The following IGFL2 variants were observed in gnomAD, a reference collection of about 807,000 sequenced individuals.
IGFL2 encodes IGF like family member 2.
In IGFL2, 7 loss-of-function variants were observed where a neutral mutation model predicts 13.9. That is an observed-to-expected ratio of 0.51 (90% CI 0.29 to 0.95). IGFL2 has a LOEUF of 0.95. IGFL2 is among the 40% of genes least tolerant of loss of function. IGFL2 has a pLI of 0.08. For synonymous variants in IGFL2, 55 were observed against 55.8 expected (o/e 0.99, Z 0.07); for missense variants, 138 against 147.8 (o/e 0.93, Z 0.34).
the IGFL2 span, among the ~76,000 whole-genome samples, chr19:46,169,334 A>G: frequency 6.6e-6 from 1 of 152,266 alleles, no homozygotes; most frequent in Non-Finnish European, 1.5e-5. Flanking sequence ...CAGTAGAAAT[A>G]TCAAGATTGT....
At chr19:46,214,624 C>T in the IGFL2 span, 4 of 151,938 alleles carry the variant, frequency 2.6e-5, no homozygotes, top group Non-Finnish European at 5.9e-5. Context: ...AGCTGAAGCC[C>T]AGGGCCTTCA....
At chr19:46,186,047 A>C in the IGFL2 span, among the ~76,000 whole-genome samples, 2 of 152,208 alleles carry the variant, frequency 1.3e-5, no homozygotes, top group Non-Finnish European at 1.5e-5. Context: ...ATCGTTCTCC[A>C]GGTCTCGGGA....
chr19:46,128,877 G>A, the IGFL2 span, among the ~76,000 whole-genome samples: 3 of 152,262 alleles, frequency 2.0e-5, no homozygotes, highest in Admixed American at 1.3e-4. Context: ...TTAGGGAGGA[G>A]TCCCTCCTTC....
the IGFL2 span, among the ~76,000 whole-genome samples, chr19:46,088,060 T>C: frequency 1.3e-5 from 2 of 152,172 alleles, no homozygotes; most frequent in Non-Finnish European, 2.9e-5. Context: ...GTGGTAGAAA[T>C]GTGGACCACT....
chr19:46,177,150 T>C, the IGFL2 span, among the ~76,000 whole-genome samples: 1 of 151,972 alleles, frequency 6.6e-6, no homozygotes, highest in African/African-American at 2.4e-5. Flanking sequence ...TAGTTACAGC[T>C]ACTCGGGAGG....
chr19:46,094,512 T>TTG, the IGFL2 span, among the ~76,000 whole-genome samples: 5 of 152,068 alleles, frequency 3.3e-5, no homozygotes, highest in African/African-American at 9.7e-5. Context: ...TCTTTTTTTT[T>TTG]TGTGTGTTTT....
chr19:46,194,924 A>G, the IGFL2 span: 3 of 133,374 alleles, frequency 2.2e-5, no homozygotes, highest in East Asian at 6.4e-4. Flanking sequence ...TATTTTGGCC[A>G]AGCTGGTTTC....
chr19:46,102,698 G>T, the IGFL2 span, among the ~76,000 whole-genome samples: 2 of 152,178 alleles, frequency 1.3e-5, no homozygotes, highest in African/African-American at 4.8e-5. Flanking sequence ...CCATCTGGAT[G>T]TATATGTGCA....
the IGFL2 span, chr19:46,213,799 G>A: frequency 1.6e-3 from 254 of 154,874 alleles, no homozygotes; most frequent in South Asian, 3.3e-3. Flanking sequence ...TCCCACAGCT[G>A]TCTTGGCCGC....
the IGFL2 span, among the ~76,000 whole-genome samples, chr19:46,177,131 G>A: frequency 6.6e-6 from 1 of 152,152 alleles, no homozygotes. Context: ...GCATGGTGGT[G>A]CAAACCTGTA....
At chr19:46,088,297 T>A in the IGFL2 span, among the ~76,000 whole-genome samples, 2 of 152,230 alleles carry the variant, frequency 1.3e-5, no homozygotes, top group African/African-American at 4.8e-5. Context: ...TTTCCTTTAT[T>A]CTGTGTCTTT....
At chr19:46,131,889 A>G in the IGFL2 span, among the ~76,000 whole-genome samples, 1 of 152,186 alleles carries the variant, frequency 6.6e-6, no homozygotes, top group Non-Finnish European at 1.5e-5. Context: ...CAGTGAGCCA[A>G]TATTATGCTA....
chr19:46,159,275 G>GAA (rs1415467733), intron 1 of IGFL2: 1 of 152,158 alleles, frequency 6.6e-6, no homozygotes, highest in East Asian at 1.9e-4. Flanking sequence ...ACAGTGCCTG[G>GAA]GAAATATAGA....
the IGFL2 span, among the ~76,000 whole-genome samples, chr19:46,114,604 C>T: frequency 1.8e-3 from 280 of 152,202 alleles, 1 homozygote; most frequent in Non-Finnish European, 2.9e-3. Context: ...GGCAGTTTCC[C>T]TCATTCTTTT....
chr19:46,078,817 G>A, the IGFL2 span, among the ~76,000 whole-genome samples: 2 of 151,632 alleles, frequency 1.3e-5, no homozygotes, highest in Non-Finnish European at 2.9e-5. Context: ...CGCAGGCGTC[G>A]TCAGTAGACA....
At chr19:46,093,834 G>A in the IGFL2 span, among the ~76,000 whole-genome samples, 1 of 152,028 alleles carries the variant, frequency 6.6e-6, no homozygotes, top group African/African-American at 2.4e-5. Flanking sequence ...ATTTAAAATT[G>A]TATCAAAAAT....
chr19:46,112,528 C>T, the IGFL2 span, among the ~76,000 whole-genome samples: 848 of 152,270 alleles, frequency 5.6e-3, 8 homozygotes, highest in African/African-American at 0.02. Flanking sequence ...ATCCATGTGC[C>T]AGGAGCCTGG....
downstream of IGFL2, chr19:46,161,322 T>A: frequency 2.8e-6 from 1 of 358,246 alleles, no homozygotes; most frequent in Non-Finnish European, 5.0e-6. Context: ...TCCTTTCTTT[T>A]TTTTTTTTTT....
the IGFL2 span, among the ~76,000 whole-genome samples, chr19:46,104,005 CGAG>C: frequency 6.6e-6 from 1 of 152,060 alleles, no homozygotes; most frequent in Non-Finnish European, 1.5e-5. Flanking sequence ...TCCAGTCCAT[CGAG>C]GTTGTAGAGT....
Sources: allele counts gnomAD v4.1 joint callset (sites outside exome capture counted in the v4.1 genomes callset), GRCh38; gene constraint gnomAD v4.1.1; transcripts MANE v1.5; gene names NCBI Gene and HGNC (gene_info 2026-07-23, HGNC 2026-07-21).